ABR: variants seen among roughly 807,000 people sequenced by gnomAD.
ABR encodes ABR activator of RhoGEF and GTPase, also known as active breakpoint cluster region-related protein.
Under a neutral mutation model 107.2 loss-of-function variants are expected in ABR, and 35 were observed. That is an observed-to-expected ratio of 0.33 (90% CI 0.25 to 0.43). The LOEUF (loss-of-function observed/expected upper bound fraction) is 0.43. Among genes scored for constraint, ABR ranks in the 20% least tolerant of loss-of-function variants. The pLI is 1.00. For missense variants in ABR, 815 were observed against 1,115.2 expected, an observed-to-expected ratio of 0.73 and a Z score of 3.83; for synonymous variants, 498 against 462.0, an observed-to-expected ratio of 1.08 and a Z score of -1.00.
intron 3 of ABR, among the ~76,000 whole-genome samples, chr17:1,095,599 G>T (rs927787289): frequency 6.6e-6 from 1 of 152,164 alleles, no homozygotes; most frequent in African/African-American, 2.4e-5. Context: ...CAGTCCTGCT[G>T]CAGGGACAAG....
intron 1 of ABR, among the ~76,000 whole-genome samples, chr17:1,193,798 C>G (rs1269704592): frequency 6.6e-6 from 1 of 152,146 alleles, no homozygotes; most frequent in Non-Finnish European, 1.5e-5. Flanking sequence ...TGAAGCGATT[C>G]ACCTGCCTCA....
intron 1 of ABR, among the ~76,000 whole-genome samples, chr17:1,160,655 C>A (rs2041251621): frequency 6.6e-6 from 1 of 152,180 alleles, no homozygotes; most frequent in Non-Finnish European, 1.5e-5. Flanking sequence ...CACACGACAG[C>A]CAGACGCCGA....
In ABR at chr17:1,031,653, G is replaced by C. The variant is rs894676672; in HGVS notation, c.1791+18397C>G. On this transcript the variant is annotated intron_variant, in intron 16 of 22. Transcript: ENST00000302538. ...GCCCCAGAGCCGGGCGCCGGTGTTG[G>C]GGGGGCGCTTGCTCCCCGACTCCTC... is the stretch of plus-strand genomic sequence containing the variant. The C allele has an allele frequency of 7.3e-5, 92 of 1,258,726 alleles. No homozygotes were observed. In the East Asian group the frequency reaches 8.8e-4, roughly 12 times the overall value. The allele number at this position is 1,258,726 out of a possible 1,614,324, so 78.0% of individuals were successfully genotyped here.
intron 16 of ABR, among the ~76,000 whole-genome samples, chr17:1,046,255 C>T (rs1377472339): frequency 3.0e-5 from 4 of 133,288 alleles, no homozygotes; most frequent in Non-Finnish European, 5.3e-5. Flanking sequence ...CCGCCCGCCT[C>T]GGCCTCCCAA....
upstream of ABR, among the ~76,000 whole-genome samples, chr17:1,181,401 CTGCAGCAGAAGTGGTT>C (rs564964519): frequency 4.5e-3 from 690 of 152,298 alleles, 5 homozygotes; most frequent in Non-Finnish European, 7.0e-3. Flanking sequence ...CTACAGGTGG[CTGCAGCAGAAGTGGTT>C]TTCAATATTA....
chr17:1,012,109 G>A, intron 18 of ABR, 124 bp from the exon 19 acceptor site: 2 of 1,488,230 alleles, frequency 1.3e-6, no homozygotes, highest in Admixed American at 1.8e-5. Context: ...CTGGGGCGGG[G>A]GCAGGGGCAG....
chr17:1,078,751 C>G lies in ABR; in HGVS notation c.700+579G>C. 1 of 1,508,314 alleles carries G rather than the reference C, an allele frequency of 6.6e-7. No homozygotes were observed. The highest frequency in any genetic ancestry group is 8.9e-7 in the Non-Finnish European group (1 of 1,123,394). 93.4% of individuals were successfully genotyped at this position (1,508,314 alleles called of 1,614,324 possible). A position where few individuals can be genotyped will look rare whatever the true frequency, so the allele number is the denominator to read the frequency against. On this transcript the variant is annotated intron_variant, in intron 6 of 22. Coordinates refer to ENST00000302538, the MANE Select transcript of ABR (RefSeq NM_021962.5). This position sits in a 1 kb window ranked among gnomAD's most constrained non-coding sequence, Gnocchi z 7.5. ...TAACCTCCCCGGCCACATCTAAGCC[C>G]ACTCCAGCCGGCCCCCAGAGGTGGG... is the stretch of plus-strand genomic sequence containing the variant.
At chr17:1,185,666 A>AT (rs1287802674) in intron 1 of ABR, among the ~76,000 whole-genome samples, 4,833 of 148,622 alleles carry the variant, frequency 0.033, 148 homozygotes, top group East Asian at 0.13. Context: ...AAAAAAAAAA[A>AT]AAAAAAAAAA....
At chr17:1,089,272 G>A (rs1207294684) in intron 4 of ABR, among the ~76,000 whole-genome samples, 2 of 152,050 alleles carry the variant, frequency 1.3e-5, no homozygotes, top group East Asian at 3.9e-4. Flanking sequence ...AGCCTCAAGT[G>A]ATCTTCCAGC....
chr17:1,069,629 A>G (rs1167395593), intron 9 of ABR, among the ~76,000 whole-genome samples: 1 of 152,070 alleles, frequency 6.6e-6, no homozygotes, highest in Non-Finnish European at 1.5e-5. Flanking sequence ...CCGAGATCGC[A>G]CCACTGCACT....
intron 1 of ABR, among the ~76,000 whole-genome samples, chr17:1,152,282 C>CAA (rs782238294): frequency 7.9e-6 from 1 of 126,972 alleles, no homozygotes; most frequent in Non-Finnish European, 1.7e-5. Flanking sequence ...GACTCTGTCT[C>CAA]AAAAAAAAAA....
chr17:1,064,968 GC>G (rs2034543620), intron 10 of ABR, among the ~76,000 whole-genome samples: 123 of 84,590 alleles, frequency 1.5e-3, no homozygotes, highest in East Asian at 2.5e-3. Flanking sequence ...TCTAGACACT[GC>G]TGTTACGTGA....
chr17:1,174,530 A>T (rs1325792080), intron 1 of ABR, among the ~76,000 whole-genome samples: 1 of 152,212 alleles, frequency 6.6e-6, no homozygotes, highest in Non-Finnish European at 1.5e-5. Context: ...CACTGCTCCA[A>T]ATACTTTCCT....
intron 10 of ABR, among the ~76,000 whole-genome samples, chr17:1,061,890 C>G (rs866842161): frequency 1.3e-5 from 2 of 152,166 alleles, no homozygotes; most frequent in Non-Finnish European, 2.9e-5. Context: ...GAACATGGAA[C>G]AGAAGAAAAT....
intron 1 of ABR, among the ~76,000 whole-genome samples, chr17:1,176,135 G>C (rs1158018666): frequency 1.3e-5 from 2 of 151,916 alleles, no homozygotes; most frequent in African/African-American, 2.4e-5. Flanking sequence ...GGGGCTGGCT[G>C]GCAGGCTGGC....
chr17:1,103,478 A>G (rs57438998), intron 2 of ABR, among the ~76,000 whole-genome samples: 5,382 of 152,228 alleles, frequency 0.035, 333 homozygotes, highest in African/African-American at 0.12. Context: ...CAAATGCCAC[A>G]CCGTGAGCTG....
At chr17:1,203,320 T>C (rs1598119267) in intron 1 of ABR, among the ~76,000 whole-genome samples, 1 of 110,756 alleles carries the variant, frequency 9.0e-6, no homozygotes, top group African/African-American at 3.3e-5. Flanking sequence ...GGGGGCGGAG[T>C]CCATGGGGGG....
chr17:1,125,654 T>C (rs2039567086), intron 1 of ABR: 1 of 349,886 alleles, frequency 2.9e-6, no homozygotes, highest in Non-Finnish European at 5.1e-6. Context: ...AAGCTGCTGT[T>C]TTCTTTGCCT....
intron 9 of ABR, among the ~76,000 whole-genome samples, chr17:1,067,454 A>G (rs1473814696): frequency 6.6e-6 from 1 of 151,950 alleles, no homozygotes; most frequent in African/African-American, 2.4e-5. Context: ...GCAGGGAGCA[A>G]CTCCGCCCCT....
Sources: gnomAD v4.1 joint callset for allele counts (sites outside exome capture counted in the v4.1 genomes callset) on GRCh38, gnomAD v4.1.1 for gene constraint, Gnocchi (gnomAD v3.1) non-coding constraint, MANE v1.5 for transcripts, NCBI Gene and HGNC (gene_info 2026-07-23, HGNC 2026-07-21) for gene names.